The following DGKD variants were observed in gnomAD, a reference collection of about 807,000 sequenced individuals.
DGKD encodes DAG kinase delta.
A neutral mutation model predicts 154.4 loss-of-function variants in DGKD; 68 were observed. The observed-to-expected ratio is 0.44, with a 90% CI of 0.36 to 0.54. The LOEUF (loss-of-function observed/expected upper bound fraction) is 0.54. Among genes scored for constraint, DGKD ranks in the 20% least tolerant of loss-of-function variants. The probability of loss-of-function intolerance (pLI) is 0.00; values close to 1 mark genes in which losing one functional copy is unlikely to be tolerated. For missense variants in DGKD, 1,343 were observed against 1,593.6 expected (o/e 0.84, Z 2.68); for synonymous variants, 693 against 638.0 (o/e 1.09, Z -1.30).
At chr2:233,386,940 C>A (rs971260270) in intron 1 of DGKD, among the ~76,000 whole-genome samples, 3 of 152,144 alleles carry the variant, frequency 2.0e-5, no homozygotes, top group Non-Finnish European at 2.9e-5. Flanking sequence ...AGAAGAGACC[C>A]CTAGGCAGTT....
At position 233,463,660 on chromosome 2, in the gene DGKD, GCACGCATCTCCTCACTC is replaced by G. The variant is rs1311384250; in HGVS notation, c.3187-495_3187-479del. Among the ~76,000 whole-genome samples the G allele has an allele frequency of 4.5e-4, 16 of 35,716 alleles. 1 individual carries two copies. Among genetic ancestry groups the G allele is most frequent in the East Asian group, 8.6e-4 (1 of 1,160 alleles). The allele number at this position is 35,716 out of a possible 152,430, so 23.4% of individuals were successfully genotyped here. A position where few individuals can be genotyped will look rare whatever the true frequency, so the allele number is the denominator to read the frequency against. On this transcript the variant is annotated intron_variant, in intron 26 of 29. Coordinates refer to ENST00000264057, the MANE Select transcript of DGKD (RefSeq NM_152879.3). ...TCCTCACTCCACGCATGTCCTCACT[GCACGCATCTCCTCACTC>G]CACGCATCACCTCACTCCACGCATC...
Position 233,458,313 on chromosome 2 carries a change from G to C in DGKD, c.2610G>C (p.Lys870Asn). 6.2e-7 allele frequency: 1 copy of C among 1,612,766 alleles called. No homozygotes were observed. The highest frequency in any genetic ancestry group is 8.5e-7 in the Non-Finnish European group (1 of 1,179,696). ...DTFAAPSFDD[K>N]ILEVVAVFGS... ...TCGCAGCTCCATCATTCGATGACAA[G>C]ATTCTGGAGGTGGTCGCCGTGTTCG... The change falls in exon 22 of 30, where the codon AAG becomes AAC. Residue 870 changes from lysine (K) to asparagine (N), a missense_variant. This residue lies in a region of DGKD where 429 missense variants were observed against 496.3 expected (regional missense o/e 0.86). Coordinates refer to ENST00000264057, the MANE Select transcript of DGKD (RefSeq NM_152879.3). The surrounding 1 kb of genome is among the most constrained non-coding windows in gnomAD (Gnocchi z 6.6).
chr2:233,372,064 C>T (rs1375180669), intron 1 of DGKD, among the ~76,000 whole-genome samples: 1 of 152,138 alleles, frequency 6.6e-6, no homozygotes, highest in East Asian at 1.9e-4. Flanking sequence ...CACTGTCACC[C>T]AGGCTGGAGT....
chr2:233,395,483 T>TAAAA (rs1703946748), intron 3 of DGKD, among the ~76,000 whole-genome samples: 1 of 152,090 alleles, frequency 6.6e-6, no homozygotes, highest in Non-Finnish European at 1.5e-5. Flanking sequence ...CTTTCTTATT[T>TAAAA]TAATGGTCTC....
intron 10 of DGKD, chr2:233,442,307 A>G: frequency 2.1e-6 from 1 of 480,120 alleles, no homozygotes; most frequent in Non-Finnish European, 3.9e-6. Context: ...TTACTGGGTA[A>G]TTTTTGTCTT....
In DGKD at chr2:233,470,022, GTTGA is replaced by G. The variant is rs1265856443; in HGVS notation, c.*566_*569del. ...AAGTAGCATGGATGTTTCCAGTCTT[GTTGA>G]TTGTAATTTGACGTGAAGAGAAAAA... is the stretch of plus-strand genomic sequence containing the variant. On this transcript the variant is annotated 3_prime_UTR_variant, in exon 30 of 30. Transcript: ENST00000264057. 2 of 152,446 alleles carry G rather than the reference GTTGA, an allele frequency of 1.3e-5. No homozygotes were observed. The highest frequency in any genetic ancestry group is 2.9e-5 in the Non-Finnish European group (2 of 68,116). The allele number at this position is 152,446 out of a possible 1,614,324, so 9.4% of individuals were successfully genotyped here.
At position 233,354,710 on chromosome 2, in the gene DGKD, C is replaced by A; in HGVS notation, c.156+36C>A. On this transcript the variant is annotated intron_variant, in intron 1 of 29. Coordinates refer to ENST00000264057, the MANE Select transcript of DGKD (RefSeq NM_152879.3). This position sits in a 1 kb window ranked among gnomAD's most constrained non-coding sequence, Gnocchi z 4.8. ...GGCGCGGCGGCCCGGGCGCGCGCCC[C>A]TCACGCCGCGGCAGCCCCGGCCGAG... is the stretch of plus-strand genomic sequence containing the variant. 1 of 978,442 alleles carries A rather than the reference C, an allele frequency of 1.0e-6. No homozygotes were observed. The highest frequency in any genetic ancestry group is 1.2e-6 in the Non-Finnish European group (1 of 826,364). The allele number at this position is 978,442 out of a possible 1,614,324, so 60.6% of individuals were successfully genotyped here.
In DGKD at chr2:233,354,720, G is replaced by A; in HGVS notation, c.156+46G>A. The A allele has an allele frequency of 1.0e-6, 1 of 973,564 alleles. No individual in the cohort carries two copies. Among genetic ancestry groups the A allele is most frequent in the Non-Finnish European group, 1.2e-6 (1 of 822,330 alleles). The allele number at this position is 973,564 out of a possible 1,614,324, so 60.3% of individuals were successfully genotyped here. On this transcript the variant is annotated intron_variant, in intron 1 of 29. Coordinates refer to ENST00000264057, the MANE Select transcript of DGKD (RefSeq NM_152879.3). This position sits in a 1 kb window ranked among gnomAD's most constrained non-coding sequence, Gnocchi z 4.8. The stretch of plus-strand genomic sequence containing the variant: ...CCCGGGCGCGCGCCCCTCACGCCGC[G>A]GCAGCCCCGGCCGAGGCCCGTGGCC...
Position 233,462,536 on chromosome 2 carries a change from C to T in DGKD, c.3093+77C>T, listed in dbSNP as rs545995155. On this transcript the variant is annotated intron_variant, in intron 25 of 29. Coordinates refer to ENST00000264057, the MANE Select transcript of DGKD (RefSeq NM_152879.3). The stretch of plus-strand genomic sequence containing the variant: ...TCGGCCCTCCCCGTGCGTGTTCATT[C>T]CCCCGCCTCCCCGGTGCATGTTCGG... 5,242 of 1,517,886 alleles carry T rather than the reference C, an allele frequency of 3.5e-3. 12 individuals are homozygous for T. The highest frequency in any genetic ancestry group is 4.3e-3 in the Non-Finnish European group (4,776 of 1,100,844). 94.0% of individuals were successfully genotyped at this position (1,517,886 alleles called of 1,614,324 possible).
chr2:233,412,826 G>C (rs1215815670), intron 3 of DGKD, among the ~76,000 whole-genome samples: 1 of 152,104 alleles, frequency 6.6e-6, no homozygotes, highest in Non-Finnish European at 1.5e-5. Flanking sequence ...ATGCTTTTCT[G>C]CATTTATTGA....
At chr2:233,463,381 C>CCTCACTGCACGCAT (rs1376059577) in intron 26 of DGKD, among the ~76,000 whole-genome samples, 3 of 144,698 alleles carry the variant, frequency 2.1e-5, no homozygotes, top group Admixed American at 6.9e-5. Context: ...CCACACATCT[C>CCTCACTGCACGCAT]CTCACTCCAC....
chr2:233,424,480 C>A (rs1045689139), intron 3 of DGKD, among the ~76,000 whole-genome samples: 9 of 152,212 alleles, frequency 5.9e-5, no homozygotes, highest in African/African-American at 2.2e-4. Context: ...TGGTATCGTC[C>A]TTGTGCTGAT....
chr2:233,375,073 C>T (rs545723570), intron 1 of DGKD, among the ~76,000 whole-genome samples: 6 of 152,142 alleles, frequency 3.9e-5, no homozygotes, highest in Admixed American at 2.6e-4. Context: ...GTGGATCACC[C>T]GATGTCAGGA....
chr2:233,421,734 C>T (rs1332580751), intron 3 of DGKD, among the ~76,000 whole-genome samples: 2 of 152,164 alleles, frequency 1.3e-5, no homozygotes, highest in Non-Finnish European at 2.9e-5. Context: ...TCTGGTCTCC[C>T]GTTTTTCCAT....
intron 12 of DGKD, 114 bp from the exon 13 acceptor site, chr2:233,447,973 G>A: frequency 2.6e-6 from 4 of 1,555,874 alleles, no homozygotes; most frequent in Non-Finnish European, 3.5e-6. Flanking sequence ...TGTTAGGAGA[G>A]ACTCATCTTT....
At chr2:233,439,697 G>A (rs983317098) in intron 9 of DGKD, among the ~76,000 whole-genome samples, 8 of 152,094 alleles carry the variant, frequency 5.3e-5, no homozygotes, top group African/African-American at 1.9e-4. Context: ...GAGTAGCTGG[G>A]ACTACAGGTG....
intron 24 of DGKD, among the ~76,000 whole-genome samples, chr2:233,460,911 C>CA (rs1559179488): frequency 6.6e-6 from 1 of 151,528 alleles, no homozygotes. Context: ...CAAAACAAAA[C>CA]AAAAAAACCC....
At position 233,460,068 on chromosome 2, in the gene DGKD, T is replaced by C. The variant is rs143549669; in HGVS notation, c.2830-126T>C. 5.8e-3 allele frequency: 8,481 copies of C among 1,472,910 alleles called. 19 individuals carry two copies. The highest frequency in any genetic ancestry group is 7.0e-3 in the Non-Finnish European group (7,775 of 1,113,680). The allele number at this position is 1,472,910 out of a possible 1,614,324, so 91.2% of individuals were successfully genotyped here. ...CTAGGACCATCTCCTTCCCCTAATG[T>C]TAAAAAAAAAAAAAAGTCCTATTTG... On this transcript the variant is annotated intron_variant, in intron 23 of 29. Transcript: ENST00000264057.
chr2:233,434,081 T>C (rs2062614293), intron 3 of DGKD, among the ~76,000 whole-genome samples: 1 of 152,218 alleles, frequency 6.6e-6, no homozygotes. Context: ...TTGTTACTTC[T>C]TTTTTTATTT....
Sources: gnomAD v4.1 joint callset for allele counts (sites outside exome capture counted in the v4.1 genomes callset) on GRCh38, gnomAD v4.1.1 for gene constraint, gnomAD v4.1.1 regional missense constraint, Gnocchi (gnomAD v3.1) non-coding constraint, MANE v1.5 for transcripts, NCBI Gene and HGNC (gene_info 2026-07-23, HGNC 2026-07-21) for gene names.